Variants in CALCR observed in about 807,000 individuals in gnomAD.
The protein encoded by CALCR is calcitonin receptor.
A neutral mutation model predicts 59.5 loss-of-function variants in CALCR; 47 were observed. That is an observed-to-expected ratio of 0.79 (90% CI 0.63 to 1.01). CALCR has a LOEUF of 1.01. CALCR is among the 50% of genes least tolerant of loss of function. CALCR has a pLI of 0.00. For synonymous variants in CALCR, 213 were observed against 211.3 expected (o/e 1.01, Z -0.07); for missense variants, 566 against 597.1 (o/e 0.95, Z 0.54).
At chr7:93,568,422 G>A (rs1563023903) in intron 2 of CALCR, among the ~76,000 whole-genome samples, 1 of 151,734 alleles carries the variant, frequency 6.6e-6, no homozygotes, top group Non-Finnish European at 1.5e-5. Context: ...ATGCAATTGC[G>A]AGCTCTCAAT....
At chr7:93,492,822 G>A (rs573253834) in intron 2 of CALCR, among the ~76,000 whole-genome samples, 21 of 151,356 alleles carry the variant, frequency 1.4e-4, no homozygotes, top group African/African-American at 4.6e-4. Flanking sequence ...TATATTTTGA[G>A]ATAAAATTTG....
intron 2 of CALCR, among the ~76,000 whole-genome samples, chr7:93,541,378 T>G (rs369115904): frequency 2.6e-5 from 4 of 152,086 alleles, no homozygotes; most frequent in Non-Finnish European, 5.9e-5. Flanking sequence ...TTTCACTATG[T>G]TGTCTCTATC....
Position 93,438,028 on chromosome 7 carries a change from T to A in CALCR, c.930+32A>T, listed in dbSNP as rs777658423. 49 of 1,535,432 alleles carry A rather than the reference T, an allele frequency of 3.2e-5. 2 individuals carry two copies. The highest frequency in any genetic ancestry group is 4.2e-5 in the Non-Finnish European group (47 of 1,110,444). On this transcript the variant is annotated intron_variant, in intron 11 of 13. Transcript: ENST00000426151. ...AGAAATCTCAACTAAGAGATAATAC[T>A]ACTAATATTGCAATAAAAAACTAAT...
chr7:93,472,512 T>C (rs374603732), intron 5 of CALCR, 25 bp from the exon 6 acceptor site: 14 of 1,248,928 alleles, frequency 1.1e-5, no homozygotes, highest in Non-Finnish European at 1.5e-5. Context: ...TAACAGTTAT[T>C]GCATTAATAT....
At chr7:93,473,583 C>A (rs1045749809) in intron 5 of CALCR, among the ~76,000 whole-genome samples, 5 of 85,174 alleles carry the variant, frequency 5.9e-5, no homozygotes, top group South Asian at 4.3e-4. Context: ...TGGTTTGGCC[C>A]CCCCCCCTTT....
intron 2 of CALCR, among the ~76,000 whole-genome samples, chr7:93,542,950 G>T (rs1789183131): frequency 7.3e-6 from 1 of 137,804 alleles, no homozygotes; most frequent in Non-Finnish European, 1.7e-5. Context: ...AGATGGTTTT[G>T]CAGTTCACTG....
At chr7:93,556,273 A>G (rs1789603275) in intron 2 of CALCR, among the ~76,000 whole-genome samples, 1 of 152,132 alleles carries the variant, frequency 6.6e-6, no homozygotes, top group African/African-American at 2.4e-5. Context: ...AAGGGCACTG[A>G]TATTCTTCAG....
At chr7:93,538,473 C>A (rs1288393394) in intron 2 of CALCR, among the ~76,000 whole-genome samples, 1 of 151,922 alleles carries the variant, frequency 6.6e-6, no homozygotes, top group Non-Finnish European at 1.5e-5. Context: ...TTTTTAATAT[C>A]ACTGCATGCT....
At position 93,432,495 on chromosome 7, in the gene CALCR, T is replaced by C. The variant is rs529347743; in HGVS notation, c.1191+1758A>G. Among the ~76,000 whole-genome samples the C allele has an allele frequency of 5.9e-5, 9 of 152,326 alleles. No individual in the cohort carries two copies. The East Asian group carries it at 1.7e-3, about 29-fold the overall frequency. On this transcript the variant is annotated intron_variant, in intron 13 of 13. Coordinates refer to ENST00000426151, the MANE Select transcript of CALCR (RefSeq NM_001742.4). ...ACACAATTCTATATTATTAGAAATG[T>C]CACACTTTTACCTTCCCCCAGTAAC... is the stretch of plus-strand genomic sequence containing the variant.
Position 93,487,079 on chromosome 7 carries a change from A to AT in CALCR, c.-26-73dup, listed in dbSNP as rs3214144. 372,154 of 769,230 alleles carry AT rather than the reference A, an allele frequency of 0.48. 94,197 individuals are homozygous for AT. The highest frequency in any genetic ancestry group is 0.67 in the East Asian group (24,276 of 36,500). 47.7% of individuals were successfully genotyped at this position (769,230 alleles called of 1,614,324 possible). Reference sequence around the variant, plus strand: ...ATATTGGCTATGGCATTTCATTTTCATTTTTTCTATTTGACTTAAAGAGGA... The same window carrying AT: ...ATATTGGCTATGGCATTTCATTTTCATTTTTTTCTATTTGACTTAAAGAGGA... On this transcript the variant is annotated intron_variant, in intron 2 of 13. Transcript: ENST00000426151.
intron 2 of CALCR, among the ~76,000 whole-genome samples, chr7:93,524,910 G>A (rs1363510674): frequency 1.3e-5 from 2 of 151,940 alleles, no homozygotes; most frequent in Non-Finnish European, 2.9e-5. Flanking sequence ...TAACCTCTAA[G>A]CATCAGTATC....
intron 2 of CALCR, among the ~76,000 whole-genome samples, chr7:93,538,003 G>A (rs1018314159): frequency 1.3e-5 from 2 of 151,872 alleles, no homozygotes; most frequent in Non-Finnish European, 1.5e-5. Context: ...GCCAAATAAT[G>A]TGTTCAACAT....
rs1801189020 is a variant in CALCR at position 93,495,843 on chromosome 7, G to T, written c.-26-8836C>A. Reference sequence around the variant, plus strand: ...GCAAATGAAGAAACCATTGTAAGAGGTTCAGTTACTGGTGGGACAACCGAA... The same window carrying T: ...GCAAATGAAGAAACCATTGTAAGAGTTTCAGTTACTGGTGGGACAACCGAA... On this transcript the variant is annotated intron_variant, in intron 2 of 13. Coordinates refer to ENST00000426151, the MANE Select transcript of CALCR (RefSeq NM_001742.4). The T allele has an allele frequency of 8.1e-6, 11 of 1,360,098 alleles. No homozygotes were observed. In the South Asian group the frequency reaches 1.2e-4, roughly 14 times the overall value. 84.3% of individuals were successfully genotyped at this position (1,360,098 alleles called of 1,614,324 possible). A position where few individuals can be genotyped will look rare whatever the true frequency, so the allele number is the denominator to read the frequency against.
chr7:93,514,684 T>C (rs1801614429), intron 2 of CALCR, among the ~76,000 whole-genome samples: 1 of 151,994 alleles, frequency 6.6e-6, no homozygotes, highest in African/African-American at 2.4e-5. Flanking sequence ...ATTAAGAATG[T>C]TCTGATTTGG....
intron 2 of CALCR, among the ~76,000 whole-genome samples, chr7:93,515,777 A>ACTTT (rs1384431564): frequency 1.3e-5 from 2 of 152,008 alleles, no homozygotes; most frequent in Non-Finnish European, 2.9e-5. Flanking sequence ...GTAGAAAAAT[A>ACTTT]TGGACATGGA....
intron 9 of CALCR, among the ~76,000 whole-genome samples, chr7:93,442,858 T>A (rs560681202): frequency 1.3e-5 from 2 of 152,154 alleles, no homozygotes; most frequent in African/African-American, 4.8e-5. Context: ...TAAGGCAGCA[T>A]GTGTTTTTAT....
intron 2 of CALCR, among the ~76,000 whole-genome samples, chr7:93,505,193 C>G (rs141653566): frequency 6.6e-6 from 1 of 152,002 alleles, no homozygotes; most frequent in Admixed American, 6.6e-5. Flanking sequence ...ACTCAGTAGT[C>G]ACAATGTTCT....
At chr7:93,566,350 C>G (rs1028604772) in intron 2 of CALCR, among the ~76,000 whole-genome samples, 1 of 151,928 alleles carries the variant, frequency 6.6e-6, no homozygotes, top group Non-Finnish European at 1.5e-5. Context: ...TACCAAAAGG[C>G]TGGAATTTGG....
chr7:93,549,993 A>G (rs1371215119), intron 2 of CALCR, among the ~76,000 whole-genome samples: 2 of 152,192 alleles, frequency 1.3e-5, no homozygotes, highest in African/African-American at 4.8e-5. Flanking sequence ...TTTGCTTCAG[A>G]ACATAAATGA....
Sources: gnomAD v4.1 joint callset for allele counts (sites outside exome capture counted in the v4.1 genomes callset) on GRCh38, gnomAD v4.1.1 for gene constraint, MANE v1.5 for transcripts, NCBI Gene and HGNC (gene_info 2026-07-23, HGNC 2026-07-21) for gene names.